CARMIL1: variants seen among roughly 807,000 people sequenced by gnomAD.
CARMIL1 encodes the protein F-actin-uncapping protein LRRC16A.
CARMIL1 carries 90 observed loss-of-function variants against 177.1 expected under a neutral mutation model. The ratio of observed to expected loss-of-function variants is 0.51; its 90% CI spans 0.43 to 0.61. CARMIL1 has a LOEUF of 0.61. Among genes scored for constraint, CARMIL1 ranks in the 20% least tolerant of loss-of-function variants. The probability of loss-of-function intolerance (pLI) is 0.00; values close to 1 mark genes in which losing one functional copy is unlikely to be tolerated. For missense variants in CARMIL1, 1,380 were observed against 1,667.0 expected, an observed-to-expected ratio of 0.83 and a Z score of 3.00; for synonymous variants, 577 against 606.2, an observed-to-expected ratio of 0.95 and a Z score of 0.71.
intron 27 of CARMIL1, among the ~76,000 whole-genome samples, chr6:25,553,382 T>A (rs1810307911): frequency 6.6e-6 from 1 of 152,198 alleles, no homozygotes; most frequent in African/African-American, 2.4e-5. Flanking sequence ...TGGGTCTGTT[T>A]ATTAGTAAAA....
At chr6:25,572,565 G>T (rs933276036) in intron 29 of CARMIL1, among the ~76,000 whole-genome samples, 6 of 152,048 alleles carry the variant, frequency 3.9e-5, no homozygotes, top group Non-Finnish European at 7.4e-5. Flanking sequence ...ACCAGGCATG[G>T]TGGTACGTAT....
chr6:25,416,787 A>T (rs1255303936), intron 2 of CARMIL1, among the ~76,000 whole-genome samples: 1 of 152,288 alleles, frequency 6.6e-6, no homozygotes, highest in East Asian at 1.9e-4. Flanking sequence ...CTGCTGTCAG[A>T]TAATATACAA....
At chr6:25,521,149 GTC>G (rs1806508684) in intron 23 of CARMIL1, among the ~76,000 whole-genome samples, 1 of 152,078 alleles carries the variant, frequency 6.6e-6, no homozygotes, top group African/African-American at 2.4e-5. Context: ...GGAAGAGACA[GTC>G]TCTGGTGTGT....
intron 8 of CARMIL1, among the ~76,000 whole-genome samples, chr6:25,454,625 T>C (rs994760482): frequency 4.6e-5 from 7 of 151,834 alleles, no homozygotes; most frequent in African/African-American, 1.2e-4. Flanking sequence ...TATTAAAAAA[T>C]AGATGGTATT....
chr6:25,297,315 T>C (rs1782485452), intron 2 of CARMIL1, among the ~76,000 whole-genome samples: 1 of 152,276 alleles, frequency 6.6e-6, no homozygotes, highest in Non-Finnish European at 1.5e-5. Flanking sequence ...ATCTTGGATG[T>C]CTTGCTCCTT....
chr6:25,577,766 A>AT lies in CARMIL1; in HGVS notation c.2743-3158_2743-3157insT, dbSNP rs3842487. Among the ~76,000 whole-genome samples, 112,346 of 152,058 alleles carry AT rather than the reference A, an allele frequency of 0.74. 42,287 individuals are homozygous for AT. The highest frequency in any genetic ancestry group is 0.92 in the East Asian group (4,747 of 5,170). On this transcript the variant is annotated intron_variant, in intron 29 of 36. Coordinates refer to ENST00000329474, the MANE Select transcript of CARMIL1 (RefSeq NM_017640.6). The surrounding 1 kb of genome is among the most constrained non-coding windows in gnomAD (Gnocchi z 4.5). ...TGTGCAGAATAGTTTAAAATTCATTAAAAAATTTGATCAAATGAGTACAAT... is the reference window on the plus strand; with the variant it reads ...TGTGCAGAATAGTTTAAAATTCATTATAAAAATTTGATCAAATGAGTACAAT...
intron 16 of CARMIL1, 108 bp from the exon 17 acceptor site, chr6:25,500,058 T>A: frequency 3.2e-6 from 3 of 931,164 alleles, no homozygotes; most frequent in Non-Finnish European, 5.1e-6. Context: ...TGACCTGTGA[T>A]TCAGAAAAGG....
At chr6:25,487,370 A>AG (rs1457576658) in intron 12 of CARMIL1, among the ~76,000 whole-genome samples, 1 of 152,160 alleles carries the variant, frequency 6.6e-6, no homozygotes, top group Non-Finnish European at 1.5e-5. Context: ...CCAAATGTGG[A>AG]GGGGAAAGAA....
intron 15 of CARMIL1, among the ~76,000 whole-genome samples, chr6:25,494,322 A>G (rs1299303086): frequency 2.0e-5 from 3 of 152,216 alleles, no homozygotes; most frequent in East Asian, 1.9e-4. Context: ...AGTGCTTTAC[A>G]TATACTGACT....
At chr6:25,461,399 A>G (rs1334054188) in intron 8 of CARMIL1, among the ~76,000 whole-genome samples, 2 of 152,236 alleles carry the variant, frequency 1.3e-5, no homozygotes, top group Admixed American at 1.3e-4. Flanking sequence ...TGGCCACAGC[A>G]AGAACAGTCA....
At chr6:25,332,162 TG>T (rs1172931871) in intron 2 of CARMIL1, among the ~76,000 whole-genome samples, 1 of 152,186 alleles carries the variant, frequency 6.6e-6, no homozygotes, top group Non-Finnish European at 1.5e-5. Context: ...TTTTGACTTT[TG>T]TTGCCAGGAG....
At chr6:25,550,817 G>A (rs1810019572) in intron 26 of CARMIL1, 93 bp from the exon 27 acceptor site, 3 of 1,145,130 alleles carry the variant, frequency 2.6e-6, no homozygotes, top group Admixed American at 2.1e-5. Context: ...TTCTCTGAGG[G>A]CTCCGTGTCA....
chr6:25,374,072 C>T (rs1790736549), intron 2 of CARMIL1, among the ~76,000 whole-genome samples: 1 of 151,996 alleles, frequency 6.6e-6, no homozygotes, highest in African/African-American at 2.4e-5. Flanking sequence ...ATTCTGCTAG[C>T]TTTGGGTTTG....
intron 31 of CARMIL1, 49 bp from the exon 32 acceptor site, chr6:25,594,366 G>C (rs1322460886): frequency 1.7e-6 from 2 of 1,190,564 alleles, no homozygotes; most frequent in South Asian, 1.3e-5. Context: ...ATAAATGTTT[G>C]CTAAATCAAG....
intron 2 of CARMIL1, among the ~76,000 whole-genome samples, chr6:25,343,154 G>A (rs748488286): frequency 6.6e-6 from 1 of 152,184 alleles, no homozygotes; most frequent in Non-Finnish European, 1.5e-5. Context: ...CTCTAAAGCG[G>A]TGTGTGTTTT....
Position 25,498,191 on chromosome 6 carries a change from A to C in CARMIL1, c.1326-1975A>C, listed in dbSNP as rs116579665. ...ATCTTTCTGGCTGAGTATTTTTCATAAACCTGTTGAATGTGCTACCCTGAA... is the reference window on the plus strand; with the variant it reads ...ATCTTTCTGGCTGAGTATTTTTCATCAACCTGTTGAATGTGCTACCCTGAA... On this transcript the variant is annotated intron_variant, in intron 16 of 36. Transcript: ENST00000329474. Among the ~76,000 whole-genome samples, 1,496 of 152,228 alleles carry C rather than the reference A, an allele frequency of 9.8e-3. 27 individuals are homozygous for C. Among genetic ancestry groups the C allele is most frequent in the African/African-American group, 0.034 (1,425 of 41,526 alleles).
At chr6:25,430,790 ATTTCT>A (rs1796700560) in intron 4 of CARMIL1, among the ~76,000 whole-genome samples, 1 of 152,118 alleles carries the variant, frequency 6.6e-6, no homozygotes, top group African/African-American at 2.4e-5. Context: ...ATCCATTTAT[ATTTCT>A]TTTCTTGAAT....
In CARMIL1 at chr6:25,539,947, T is replaced by C; in HGVS notation, c.2197T>C (p.Leu733=). The part of the protein sequence containing the change: ...LMRDAKNSKT[L]LPNLYHVGGA... Reference sequence around the variant, plus strand: ...AGGTTATTTTTTATTTCTCTTACAGTTGTTACCAAATTTATACCATGTTGG... The same window carrying C: ...AGGTTATTTTTTATTTCTCTTACAGCTGTTACCAAATTTATACCATGTTGG... Residue 733 remains leucine (L), a splice_region_variant and synonymous_variant, in exon 26 of 37, where the codon TTG becomes CTG. Transcript: ENST00000329474. 2.5e-6 allele frequency: 4 copies of C among 1,576,910 alleles called. No individual in the cohort carries two copies. Among genetic ancestry groups the C allele is most frequent in the Non-Finnish European group, 2.6e-6 (3 of 1,166,338 alleles).
chr6:25,346,974 T>C (rs1315932703), intron 2 of CARMIL1, among the ~76,000 whole-genome samples: 1 of 152,222 alleles, frequency 6.6e-6, no homozygotes, highest in African/African-American at 2.4e-5. Context: ...TTTAGAAATA[T>C]GTCAGCTTAT....
Sources: allele counts gnomAD v4.1 joint callset (sites outside exome capture counted in the v4.1 genomes callset), GRCh38; gene constraint gnomAD v4.1.1; non-coding constraint Gnocchi (gnomAD v3.1); transcripts MANE v1.5; gene names NCBI Gene and HGNC (gene_info 2026-07-23, HGNC 2026-07-21).